Variants in RNF214 observed in about 807,000 individuals in gnomAD.
RNF214 encodes ring finger protein 214.
In RNF214, 25 loss-of-function variants were observed where a neutral mutation model predicts 75.9. The ratio of observed to expected loss-of-function variants is 0.33; its 90% CI spans 0.24 to 0.46. The LOEUF is 0.46. Among genes scored for constraint, RNF214 ranks in the 20% least tolerant of loss-of-function variants. RNF214 has a pLI of 1.00. For synonymous variants in RNF214, 314 were observed against 308.8 expected (o/e 1.02, Z -0.18); for missense variants, 725 against 857.5 (o/e 0.85, Z 1.93).
chr11:117,243,175 C>T (rs1463977248), intron 4 of RNF214, among the ~76,000 whole-genome samples: 1 of 151,932 alleles, frequency 6.6e-6, no homozygotes, highest in Non-Finnish European at 1.5e-5. Flanking sequence ...GAGACGGAGT[C>T]TCGCTCTGTC....
At chr11:117,272,387 G>C (rs2033929986) in intron 6 of RNF214, among the ~76,000 whole-genome samples, 4 of 152,132 alleles carry the variant, frequency 2.6e-5, no homozygotes, top group Admixed American at 2.6e-4. Flanking sequence ...GTTGAACAGT[G>C]AGAACACATG....
chr11:117,245,383 A>G (rs934553223), intron 5 of RNF214, among the ~76,000 whole-genome samples: 14 of 148,804 alleles, frequency 9.4e-5, no homozygotes, highest in African/African-American at 3.5e-4. Flanking sequence ...TCTGTCACCC[A>G]GGCTGGAGTG....
At chr11:117,254,181 G>T (rs2033466430) in intron 6 of RNF214, among the ~76,000 whole-genome samples, 1 of 152,074 alleles carries the variant, frequency 6.6e-6, no homozygotes, top group African/African-American at 2.4e-5. Context: ...CCCGGGAGGT[G>T]GAGGTTGCAG....
chr11:117,276,394 G>C (rs114116848), intron 6 of RNF214, among the ~76,000 whole-genome samples: 42 of 152,240 alleles, frequency 2.8e-4, no homozygotes, highest in African/African-American at 9.6e-4. Context: ...AAGATCACTT[G>C]AGTCCAGGAG....
At chr11:117,245,117 G>C (rs569224097) in intron 5 of RNF214, among the ~76,000 whole-genome samples, 1 of 150,206 alleles carries the variant, frequency 6.7e-6, no homozygotes, top group East Asian at 2.1e-4. Context: ...CCAGGAGTTC[G>C]AACCAGCCTG....
At chr11:117,285,022 A>T in intron 14 of RNF214, 64 bp from the exon 15 acceptor site, 14 of 1,087,758 alleles carry the variant, frequency 1.3e-5, no homozygotes, top group Non-Finnish European at 2.0e-5. Flanking sequence ...CCTTATTGGC[A>T]TTCTCTCCTT....
chr11:117,266,941 G>C (rs2033809017), intron 6 of RNF214, among the ~76,000 whole-genome samples: 1 of 124,154 alleles, frequency 8.1e-6, no homozygotes, highest in Non-Finnish European at 1.6e-5. Context: ...GGCAATCTCT[G>C]CCTCCTGGGT....
At chr11:117,266,859 C>CT (rs36064361) in intron 6 of RNF214, among the ~76,000 whole-genome samples, 90,555 of 128,784 alleles carry the variant, frequency 0.7, 32,845 homozygotes, top group East Asian at 0.94. Context: ...TCTTCTTTTT[C>CT]TTTTTTTTTT....
rs547150032 is a variant in RNF214 at position 117,277,501 on chromosome 11, C to A, written c.960-2407C>A. On this transcript the variant is annotated intron_variant, in intron 6 of 14. Transcript: ENST00000300650. ...TGAATAAGTGTGTAACACACACACA[C>A]ACACACCCTCTCTACCTATACATGA... 3.3e-5 allele frequency among the ~76,000 whole-genome samples: 5 copies of A among 152,336 alleles called. No homozygotes were observed. In the South Asian group the frequency reaches 1.0e-3, roughly 32 times the overall value.
intron 6 of RNF214, among the ~76,000 whole-genome samples, chr11:117,262,236 G>A (rs1056111249): frequency 9.2e-5 from 14 of 151,690 alleles, no homozygotes; most frequent in African/African-American, 1.5e-4. Flanking sequence ...ACAGGCACCC[G>A]CCACCACGCC....
intron 6 of RNF214, among the ~76,000 whole-genome samples, chr11:117,272,099 G>T (rs1420214444): frequency 6.6e-6 from 1 of 152,134 alleles, no homozygotes; most frequent in Non-Finnish European, 1.5e-5. Flanking sequence ...AGGCATGGTG[G>T]TATATGCCTG....
chr11:117,240,411 G>GGCAC (rs2033042655), intron 4 of RNF214, among the ~76,000 whole-genome samples: 1 of 151,248 alleles, frequency 6.6e-6, no homozygotes, highest in Non-Finnish European at 1.5e-5. Flanking sequence ...AAAAAGGCCG[G>GGCAC]GCACAGTGGC....
At chr11:117,269,196 G>A (rs928950497) in intron 6 of RNF214, among the ~76,000 whole-genome samples, 4 of 152,018 alleles carry the variant, frequency 2.6e-5, no homozygotes, top group Admixed American at 1.3e-4. Context: ...TTGAGGCCAG[G>A]AGTTTGAGAC....
chr11:117,267,908 C>T (rs1314823756), intron 6 of RNF214, among the ~76,000 whole-genome samples: 2 of 152,168 alleles, frequency 1.3e-5, no homozygotes, highest in African/African-American at 2.4e-5. Context: ...CAGAAAACCT[C>T]TCACTAAGGC....
chr11:117,240,653 A>C (rs376909852), intron 4 of RNF214, among the ~76,000 whole-genome samples: 1 of 152,064 alleles, frequency 6.6e-6, no homozygotes, highest in African/African-American at 2.4e-5. Flanking sequence ...GCACCACTGC[A>C]CCCCAGCCTG....
rs149259472 is a variant in RNF214, at chr11:117,270,034, TG to T, written c.960-9872del. On this transcript the variant is annotated intron_variant, in intron 6 of 14. Coordinates refer to ENST00000300650, the MANE Select transcript of RNF214 (RefSeq NM_207343.4). ...TGGTAGTGAATCTTTCATTGTTGTT[TG>T]GTGAGATTCCTAGGTGGGGGATCTT... Among the ~76,000 whole-genome samples, 611 of 152,140 alleles carry T rather than the reference TG, an allele frequency of 4.0e-3. 6 individuals are homozygous for T. Among genetic ancestry groups the T allele is most frequent in the African/African-American group, 0.014 (595 of 41,510 alleles).
At chr11:117,265,194 G>A (rs2033769523) in intron 6 of RNF214, among the ~76,000 whole-genome samples, 1 of 151,792 alleles carries the variant, frequency 6.6e-6, no homozygotes, top group African/African-American at 2.4e-5. Context: ...CTTTTACTAT[G>A]TAAATTGAAA....
chr11:117,251,090 C>T (rs1400580460), intron 6 of RNF214, among the ~76,000 whole-genome samples: 1 of 151,556 alleles, frequency 6.6e-6, no homozygotes, highest in East Asian at 1.9e-4. Context: ...TCCACAAAAC[C>T]GCCATTGTCA....
chr11:117,239,754 T>C, intron 3 of RNF214, 47 bp from the exon 4 acceptor site: 3 of 1,061,474 alleles, frequency 2.8e-6, no homozygotes, highest in Non-Finnish European at 4.4e-6. Context: ...TCTGCCTCTT[T>C]TAAAGTGTCT....
Sources: gnomAD v4.1 joint callset for allele counts (sites outside exome capture counted in the v4.1 genomes callset) on GRCh38, gnomAD v4.1.1 for gene constraint, MANE v1.5 for transcripts, NCBI Gene and HGNC (gene_info 2026-07-23, HGNC 2026-07-21) for gene names.